The following RBFOX1 variants were observed in gnomAD, a reference collection of about 807,000 sequenced individuals.
RBFOX1 encodes the protein RNA binding fox-1 homolog 1.
Under a neutral mutation model 57.7 loss-of-function variants are expected in RBFOX1, and 8 were observed. The observed-to-expected ratio is 0.14, with a 90% CI of 0.08 to 0.25. RBFOX1 has a LOEUF of 0.25. Among genes scored for constraint, RBFOX1 ranks in the 10% least tolerant of loss-of-function variants. The pLI is 1.00. For synonymous variants in RBFOX1, 326 were observed against 222.4 expected (o/e 1.47, Z -4.15); for missense variants, 611 against 548.5 (o/e 1.11, Z -1.14).
chr16:7,254,483 T>C (rs2153037977), intron 4 of RBFOX1, among the ~76,000 whole-genome samples: 1 of 138,252 alleles, frequency 7.2e-6, no homozygotes, highest in African/African-American at 2.7e-5. Flanking sequence ...GTCATGTTCC[T>C]GTCTCTCTCT....
At chr16:5,451,042 G>T (rs534036887) in intron 1 of RBFOX1, among the ~76,000 whole-genome samples, 1 of 152,182 alleles carries the variant, frequency 6.6e-6, no homozygotes, top group African/African-American at 2.4e-5. Context: ...GCCAGTGCCT[G>T]GTACAGAGTG....
At chr16:6,284,234 A>C (rs763564263) in intron 1 of RBFOX1, among the ~76,000 whole-genome samples, 1 of 152,156 alleles carries the variant, frequency 6.6e-6, no homozygotes, top group Non-Finnish European at 1.5e-5. Context: ...TGGCTTTGCT[A>C]TTGGTACTGA....
intron 4 of RBFOX1, among the ~76,000 whole-genome samples, chr16:7,226,181 C>T (rs553817087): frequency 6.6e-6 from 1 of 152,166 alleles, no homozygotes; most frequent in African/African-American, 2.4e-5. Context: ...CCAGGGATAA[C>T]TCTCAGGTAC....
chr16:5,908,957 C>A (rs970218124), intron 4 of RBFOX1, among the ~76,000 whole-genome samples: 1 of 152,096 alleles, frequency 6.6e-6, no homozygotes, highest in African/African-American at 2.4e-5. Context: ...TGAGCCCTCA[C>A]CAAACACCAA....
At chr16:6,996,023 A>G (rs1385061328) in intron 3 of RBFOX1, among the ~76,000 whole-genome samples, 1 of 152,218 alleles carries the variant, frequency 6.6e-6, no homozygotes, top group Non-Finnish European at 1.5e-5. Context: ...AAACTTCTCA[A>G]CTTACCTTGA....
chr16:7,575,316 G>T (rs964876847), intron 5 of RBFOX1, among the ~76,000 whole-genome samples: 7 of 152,150 alleles, frequency 4.6e-5, no homozygotes, highest in African/African-American at 7.2e-5. Flanking sequence ...TGCACTTTTA[G>T]TAGAGACGGG....
chr16:7,286,255 G>A (rs1026793944), intron 4 of RBFOX1, among the ~76,000 whole-genome samples: 5 of 152,118 alleles, frequency 3.3e-5, no homozygotes, highest in African/African-American at 1.2e-4. Flanking sequence ...TGTAAGATAT[G>A]ATTTTGGTTG....
intron 3 of RBFOX1, among the ~76,000 whole-genome samples, chr16:6,896,562 T>C (rs2066968460): frequency 6.6e-6 from 1 of 152,110 alleles, no homozygotes; most frequent in Non-Finnish European, 1.5e-5. Context: ...AACATAATAA[T>C]CTCCAGTTCC....
chr16:6,395,170 G>T (rs2092772807), intron 2 of RBFOX1, among the ~76,000 whole-genome samples: 1 of 152,198 alleles, frequency 6.6e-6, no homozygotes, highest in Non-Finnish European at 1.5e-5. Context: ...ATGAATTATT[G>T]TCTAAGGACT....
At chr16:7,230,421 C>A (rs2093431197) in intron 4 of RBFOX1, among the ~76,000 whole-genome samples, 1 of 152,136 alleles carries the variant, frequency 6.6e-6, no homozygotes, top group African/African-American at 2.4e-5. Flanking sequence ...TATTCATCTG[C>A]CTGCCTCTAA....
intron 3 of RBFOX1, among the ~76,000 whole-genome samples, chr16:6,880,667 C>G (rs781124271): frequency 6.6e-6 from 1 of 152,118 alleles, no homozygotes; most frequent in African/African-American, 2.4e-5. Flanking sequence ...GTAAAGAAAT[C>G]TAGATAAAAA....
In RBFOX1 at chr16:7,463,866, A is replaced by G. The variant is rs182746579; in HGVS notation, c.28-54281A>G. ...ATAGATACTTCAAATTGATTGGATC[A>G]TTTAATCCCCATCACAGAAGAGCAA... On this transcript the variant is annotated intron_variant, in intron 4 of 15. Coordinates refer to ENST00000550418, the MANE Select transcript of RBFOX1 (RefSeq NM_018723.4). Among the ~76,000 whole-genome samples, 951 of 152,306 alleles carry G rather than the reference A, an allele frequency of 6.2e-3. 4 individuals are homozygous for G. The highest frequency in any genetic ancestry group is 0.01 in the Middle Eastern group (3 of 294).
intron 1 of RBFOX1, among the ~76,000 whole-genome samples, chr16:5,315,798 A>G (rs906033612): frequency 1.1e-4 from 17 of 152,122 alleles, no homozygotes; most frequent in African/African-American, 4.1e-4. Flanking sequence ...TTTGGTGAAG[A>G]ACACATAGGG....
At chr16:7,582,039 CT>C (rs1333729986) in intron 6 of RBFOX1, among the ~76,000 whole-genome samples, 52 of 80,778 alleles carry the variant, frequency 6.4e-4, no homozygotes, top group African/African-American at 1.9e-3. Flanking sequence ...CCCCCCCCCC[CT>C]TTTTTTTGTG....
rs937905193 is a variant in RBFOX1 at position 6,990,137 on chromosome 16, C to G, written c.-15-61920C>G. 3.9e-5 allele frequency among the ~76,000 whole-genome samples: 6 copies of G among 152,284 alleles called. No individual in the cohort carries two copies. The East Asian group carries it at 1.2e-3, about 29-fold the overall frequency. On this transcript the variant is annotated intron_variant, in intron 3 of 15. Coordinates refer to ENST00000550418, the MANE Select transcript of RBFOX1 (RefSeq NM_018723.4). ...ATGTCACCAACAACTAGTAAACGTG[C>G]CCAACACACAGTAGGGATTCAGTAA...
chr16:5,797,962 T>C (rs562905413), intron 3 of RBFOX1, among the ~76,000 whole-genome samples: 32 of 152,336 alleles, frequency 2.1e-4, no homozygotes, highest in African/African-American at 7.7e-4. Flanking sequence ...TAAATATGCA[T>C]CATTTATTCT....
chr16:5,612,815 A>G (rs1419399189), intron 3 of RBFOX1, among the ~76,000 whole-genome samples: 1 of 152,230 alleles, frequency 6.6e-6, no homozygotes, highest in Admixed American at 6.5e-5. Context: ...CTAAGCATTG[A>G]AGACCTCAGT....
intron 4 of RBFOX1, among the ~76,000 whole-genome samples, chr16:7,330,291 T>C (rs2096667412): frequency 6.6e-6 from 1 of 151,676 alleles, no homozygotes; most frequent in South Asian, 2.1e-4. Flanking sequence ...TGAAGCCTAA[T>C]ACAATGTAAA....
chr16:6,049,938 TA>T (rs934463586), intron 1 of RBFOX1, among the ~76,000 whole-genome samples: 22 of 147,772 alleles, frequency 1.5e-4, no homozygotes, highest in African/African-American at 5.2e-4. Context: ...TTTACTCTGT[TA>T]AAAAAAAGCT....
Sources: gnomAD v4.1 joint callset for allele counts (sites outside exome capture counted in the v4.1 genomes callset) on GRCh38, gnomAD v4.1.1 for gene constraint, MANE v1.5 for transcripts, NCBI Gene and HGNC (gene_info 2026-07-23, HGNC 2026-07-21) for gene names.